The following IMMP2L variants were observed in gnomAD, a reference collection of about 807,000 sequenced individuals.
IMMP2L encodes mitochondrial inner membrane protease subunit 2.
IMMP2L carries 18 observed loss-of-function variants against 19.3 expected under a neutral mutation model. The ratio of observed to expected loss-of-function variants is 0.93; its 90% confidence interval spans 0.64 to 1.38. The LOEUF (loss-of-function observed/expected upper bound fraction) is 1.38, where lower values mean the gene tolerates loss of function less well. IMMP2L is among the 40% of genes most tolerant of loss of function. The probability of loss-of-function intolerance (pLI) is 0.00; values close to 1 mark genes in which losing one functional copy is unlikely to be tolerated. For synonymous variants in IMMP2L, 76 were observed against 73.0 expected, an observed-to-expected ratio of 1.04 and a Z score of -0.21; for missense variants, 233 against 218.2, an observed-to-expected ratio of 1.07 and a Z score of -0.43.
Position 111,339,091 on chromosome 7 carries a change from A to C in IMMP2L, c.239+148147T>G, listed in dbSNP as rs549656164. Among the ~76,000 whole-genome samples the C allele has an allele frequency of 1.8e-4, 28 of 152,234 alleles. No homozygotes were observed. In the East Asian group the frequency reaches 4.2e-3, roughly 23 times the overall value. On this transcript the variant is annotated intron_variant, in intron 3 of 5. Coordinates refer to ENST00000405709, the MANE Select transcript of IMMP2L (RefSeq NM_032549.4). ...TGCTAACAAAATCATTATCTACCTCAGTACAAACTAATGTTATTACTTTCA... is the reference window on the plus strand; with the variant it reads ...TGCTAACAAAATCATTATCTACCTCCGTACAAACTAATGTTATTACTTTCA...
intron 3 of IMMP2L, among the ~76,000 whole-genome samples, chr7:111,104,708 G>A (rs1226730779): frequency 1.3e-5 from 2 of 151,712 alleles, no homozygotes; most frequent in African/African-American, 2.4e-5. Flanking sequence ...AAAGTGTGAA[G>A]GACTTGTCAC....
At chr7:111,040,657 C>A (rs1224171665) in intron 3 of IMMP2L, among the ~76,000 whole-genome samples, 2 of 149,564 alleles carry the variant, frequency 1.3e-5, no homozygotes, top group Non-Finnish European at 3.0e-5. Context: ...AAAGTACTGA[C>A]AGAATTAGAA....
At position 111,475,855 on chromosome 7, in the gene IMMP2L, T is replaced by A. The variant is rs766408855; in HGVS notation, c.239+11383A>T. 1.2e-4 allele frequency among the ~76,000 whole-genome samples: 18 copies of A among 152,292 alleles called. 1 individual carries two copies. The highest frequency in any genetic ancestry group is 1.2e-3 in the Admixed American group (18 of 15,282). On this transcript the variant is annotated intron_variant, in intron 3 of 5. Coordinates refer to ENST00000405709, the MANE Select transcript of IMMP2L (RefSeq NM_032549.4). ...TAATCTTTATAAGTATATATTCATT[T>A]GATGTCTTTCACCAATAAAGACCTG...
chr7:111,313,129 G>T (rs1823693769), intron 3 of IMMP2L, among the ~76,000 whole-genome samples: 1 of 152,080 alleles, frequency 6.6e-6, no homozygotes, highest in South Asian at 2.1e-4. Flanking sequence ...CCAGCAGCAG[G>T]AGTACTGCTA....
At chr7:110,915,246 C>T (rs10253322) in intron 4 of IMMP2L, among the ~76,000 whole-genome samples, 1,495 of 142,428 alleles carry the variant, frequency 0.01, 19 homozygotes, top group African/African-American at 0.043. Flanking sequence ...TGTGCACGCG[C>T]GTGCGTGCAC....
At chr7:111,487,430 T>C in intron 2 of IMMP2L, 89 bp from the exon 3 acceptor site, 1 of 756,086 alleles carries the variant, frequency 1.3e-6, no homozygotes, top group Non-Finnish European at 2.3e-6. Flanking sequence ...TGGACTGAAA[T>C]AAAACATTTC....
At chr7:110,963,762 T>G (rs961388406) in intron 3 of IMMP2L, among the ~76,000 whole-genome samples, 197 bp from the exon 4 acceptor site, 1 of 151,734 alleles carries the variant, frequency 6.6e-6, no homozygotes, top group Non-Finnish European at 1.5e-5. Context: ...AAATAAACTC[T>G]GGGGGGGAAA....
rs58224781 is a variant in IMMP2L at position 110,727,390 on chromosome 7, CTAAATAAATAAA to C, written c.409-63681_409-63670del. On this transcript the variant is annotated intron_variant, in intron 5 of 5. Transcript: ENST00000405709. The surrounding 1 kb of genome is among the most constrained non-coding windows in gnomAD (Gnocchi z 4.3). Reference sequence around the variant, plus strand: ...TGGATGACAGAGTGAGACTCTGTCTCTAAATAAATAAATAAATAAATAAATAAATATTAAAAA... The same window carrying C: ...TGGATGACAGAGTGAGACTCTGTCTCTAAATAAATAAATAAATATTAAAAA... Among the ~76,000 whole-genome samples, 2 of 147,538 alleles carry C rather than the reference CTAAATAAATAAA, an allele frequency of 1.4e-5. No individual in the cohort carries two copies. The highest frequency in any genetic ancestry group is 2.1e-4 in the South Asian group (1 of 4,704).
At chr7:111,346,684 G>A (rs781157942) in intron 3 of IMMP2L, among the ~76,000 whole-genome samples, 7 of 152,116 alleles carry the variant, frequency 4.6e-5, no homozygotes, top group Non-Finnish European at 8.8e-5. Flanking sequence ...GGTGAGCCAA[G>A]ACAAGAAGCT....
At chr7:111,092,954 G>A (rs1797019435) in intron 3 of IMMP2L, among the ~76,000 whole-genome samples, 1 of 152,064 alleles carries the variant, frequency 6.6e-6, no homozygotes, top group South Asian at 2.1e-4. Context: ...TGTGATTTCA[G>A]AGCTATTATT....
intron 3 of IMMP2L, among the ~76,000 whole-genome samples, chr7:111,133,451 A>T (rs1802037678): frequency 6.6e-6 from 1 of 151,990 alleles, no homozygotes; most frequent in African/African-American, 2.4e-5. Flanking sequence ...TGAAGATACT[A>T]ATAGGCTGAA....
Position 111,258,799 on chromosome 7 carries a change from C to T in IMMP2L, c.239+228439G>A, listed in dbSNP as rs143031446. Among the ~76,000 whole-genome samples the T allele has an allele frequency of 1.4e-4, 22 of 152,196 alleles. No individual in the cohort carries two copies. In the East Asian group the frequency reaches 3.3e-3, roughly 23 times the overall value. On this transcript the variant is annotated intron_variant, in intron 3 of 5. Transcript: ENST00000405709. Reference sequence around the variant, plus strand: ...GGGCTTATAGGTGTGAGCCACCGTGCCTAGCCAGAAAAACATATTTTTGAA... The same window carrying T: ...GGGCTTATAGGTGTGAGCCACCGTGTCTAGCCAGAAAAACATATTTTTGAA...
intron 5 of IMMP2L, among the ~76,000 whole-genome samples, chr7:110,702,056 A>T (rs1298168300): frequency 6.6e-6 from 1 of 151,542 alleles, no homozygotes; most frequent in Non-Finnish European, 1.5e-5. Context: ...CAGCCTCCCT[A>T]GCTGGTAGGA....
chr7:110,966,500 T>A (rs1207597657), intron 3 of IMMP2L, among the ~76,000 whole-genome samples: 2 of 122,092 alleles, frequency 1.6e-5, no homozygotes, highest in East Asian at 2.6e-4. Context: ...GTGTAAAAAA[T>A]ATTTTATGCC....
At chr7:111,194,287 C>T (rs1295569528) in intron 3 of IMMP2L, among the ~76,000 whole-genome samples, 1 of 152,170 alleles carries the variant, frequency 6.6e-6, no homozygotes, top group Non-Finnish European at 1.5e-5. Flanking sequence ...ATTCATCCTA[C>T]ATTTAGTACT....
chr7:110,829,235 A>C (rs1490759235), intron 5 of IMMP2L, among the ~76,000 whole-genome samples: 2 of 152,178 alleles, frequency 1.3e-5, no homozygotes, highest in Non-Finnish European at 2.9e-5. Flanking sequence ...ATCAGGTTAG[A>C]AAATGTAGAT....
At chr7:111,197,313 A>G (rs1250285796) in intron 3 of IMMP2L, among the ~76,000 whole-genome samples, 1 of 152,088 alleles carries the variant, frequency 6.6e-6, no homozygotes, top group Non-Finnish European at 1.5e-5. Flanking sequence ...AATACAAAAA[A>G]TTAGCCGGGC....
intron 3 of IMMP2L, among the ~76,000 whole-genome samples, chr7:111,444,458 C>A (rs897313309): frequency 5.9e-5 from 9 of 152,090 alleles, no homozygotes; most frequent in African/African-American, 2.2e-4. Context: ...GGGATAATAA[C>A]AGTAAGTGCC....
chr7:111,547,775 C>T (rs909116344), intron 1 of IMMP2L, among the ~76,000 whole-genome samples: 7 of 150,716 alleles, frequency 4.6e-5, no homozygotes, highest in African/African-American at 1.7e-4. Context: ...GGCTGGTGTA[C>T]AGTGGCATGA....
Sources: allele counts gnomAD v4.1 joint callset (sites outside exome capture counted in the v4.1 genomes callset), GRCh38; gene constraint gnomAD v4.1.1; non-coding constraint Gnocchi (gnomAD v3.1); transcripts MANE v1.5; gene names NCBI Gene and HGNC (gene_info 2026-07-23, HGNC 2026-07-21).